The following GRM7 variants were observed in gnomAD, a reference collection of about 807,000 sequenced individuals.
GRM7 encodes the protein metabotropic glutamate receptor 7.
In GRM7, 35 loss-of-function variants were observed where a neutral mutation model predicts 84.5. The observed-to-expected ratio is 0.41, with a 90% confidence interval of 0.32 to 0.55. The LOEUF (loss-of-function observed/expected upper bound fraction) is 0.55. Ranked by LOEUF, GRM7 falls within the 20% of genes least tolerant of loss-of-function variation. The pLI, the probability that GRM7 is intolerant of heterozygous loss-of-function variation, is 0.19. For missense variants in GRM7, 1,003 were observed against 1,194.6 expected, an observed-to-expected ratio of 0.84 and a Z score of 2.36; for synonymous variants, 487 against 455.1, an observed-to-expected ratio of 1.07 and a Z score of -0.89.
rs150780642 is a variant in GRM7, at chr3:6,862,722, T to TC, written c.519+822dup. On this transcript the variant is annotated intron_variant, in intron 1 of 9. Coordinates refer to ENST00000357716, the MANE Select transcript of GRM7 (RefSeq NM_000844.4). The surrounding 1 kb of genome is among the most constrained non-coding windows in gnomAD (Gnocchi z 5.2). ...ATCGCTCTCCCTGCCTCCTCCCTCCTCCCCCCCGCCCCCCTCACCCACTAT... is the reference window on the plus strand; with the variant it reads ...ATCGCTCTCCCTGCCTCCTCCCTCCTCCCCCCCCGCCCCCCTCACCCACTAT... 33,724 of 241,332 alleles carry TC rather than the reference T, an allele frequency of 0.14. 2,547 individuals are homozygous for TC. The highest frequency in any genetic ancestry group is 0.29 in the African/African-American group (10,643 of 36,796). 14.9% of individuals were successfully genotyped at this position (241,332 alleles called of 1,614,324 possible). A position where few individuals can be genotyped will look rare whatever the true frequency, so the allele number is the denominator to read the frequency against.
At chr3:7,208,404 C>T (rs1427841425) in intron 2 of GRM7, among the ~76,000 whole-genome samples, 3 of 152,124 alleles carry the variant, frequency 2.0e-5, no homozygotes, top group Non-Finnish European at 4.4e-5. Context: ...TGCTGTTCTC[C>T]TTGCTGGTGC....
At chr3:7,351,608 A>AT (rs1693151868) in intron 4 of GRM7, among the ~76,000 whole-genome samples, 1 of 152,090 alleles carries the variant, frequency 6.6e-6, no homozygotes, top group Admixed American at 6.6e-5. Context: ...GTATGAGTGG[A>AT]TACCATCCTA....
intron 7 of GRM7, among the ~76,000 whole-genome samples, chr3:7,548,356 G>C (rs73019813): frequency 0.033 from 5,037 of 152,272 alleles, 119 homozygotes; most frequent in Non-Finnish European, 0.045. Flanking sequence ...TGCCCTGAGT[G>C]GAAGCAGCCT....
intron 7 of GRM7, among the ~76,000 whole-genome samples, chr3:7,558,188 A>G (rs552478860): frequency 1.3e-5 from 2 of 152,242 alleles, no homozygotes; most frequent in East Asian, 1.9e-4. Context: ...TTAAATTTAC[A>G]TTTAATGCTT....
chr3:7,572,527 C>T (rs1289027776), intron 7 of GRM7, among the ~76,000 whole-genome samples: 1 of 151,748 alleles, frequency 6.6e-6, no homozygotes, highest in Non-Finnish European at 1.5e-5. Context: ...TAAAAAAATT[C>T]TAATAATGCT....
chr3:7,228,843 T>C (rs1559513807), intron 2 of GRM7, among the ~76,000 whole-genome samples: 1 of 152,238 alleles, frequency 6.6e-6, no homozygotes, highest in Admixed American at 6.5e-5. Context: ...AGATATCTCA[T>C]ATGGGAAAGT....
intron 2 of GRM7, among the ~76,000 whole-genome samples, chr3:7,231,676 CACA>C (rs1479332376): frequency 2.6e-5 from 4 of 152,170 alleles, no homozygotes. Flanking sequence ...AGTTAATTCT[CACA>C]ACATCTCTAT....
At chr3:7,055,736 A>T (rs1436568012) in intron 1 of GRM7, among the ~76,000 whole-genome samples, 1 of 151,740 alleles carries the variant, frequency 6.6e-6, no homozygotes, top group South Asian at 2.1e-4. Context: ...TGCTACGCTG[A>T]TCCGAAACTC....
chr3:6,881,836 C>T (rs1430980753), intron 1 of GRM7, among the ~76,000 whole-genome samples: 1 of 152,082 alleles, frequency 6.6e-6, no homozygotes, highest in Non-Finnish European at 1.5e-5. Flanking sequence ...TATCTCAACA[C>T]TGCTACAATC....
chr3:7,300,378 G>A (rs987933282), intron 3 of GRM7, among the ~76,000 whole-genome samples: 2 of 152,104 alleles, frequency 1.3e-5, no homozygotes, highest in African/African-American at 2.4e-5. Context: ...GTGGTGGCAG[G>A]GCTATTAAAT....
chr3:7,050,335 A>G (rs1407185027), intron 1 of GRM7, among the ~76,000 whole-genome samples: 1 of 151,906 alleles, frequency 6.6e-6, no homozygotes, highest in East Asian at 1.9e-4. Context: ...TGTCAACTTC[A>G]TAAACACCCT....
rs1415127605 is a variant in GRM7 at position 7,374,097 on chromosome 3, C to T, written c.1034-40926C>T. The stretch of plus-strand genomic sequence containing the variant: ...TAGCTTTGTTAGACAAGTCTCTGTG[C>T]CTCAGTTTCCACACAAAACAAAGTC... On this transcript the variant is annotated intron_variant, in intron 4 of 9. Coordinates refer to ENST00000357716, the MANE Select transcript of GRM7 (RefSeq NM_000844.4). 3.3e-5 allele frequency among the ~76,000 whole-genome samples: 5 copies of T among 152,032 alleles called. No homozygotes were observed. The South Asian group carries it at 6.2e-4, about 19-fold the overall frequency.
intron 1 of GRM7, among the ~76,000 whole-genome samples, chr3:7,126,490 G>C (rs1358517627): frequency 6.6e-6 from 1 of 152,134 alleles, no homozygotes; most frequent in East Asian, 1.9e-4. Flanking sequence ...ACTTCCATGG[G>C]AGTATGAACC....
At chr3:7,677,855 AG>A (rs775556139) in intron 8 of GRM7, among the ~76,000 whole-genome samples, 2 of 152,236 alleles carry the variant, frequency 1.3e-5, no homozygotes, top group African/African-American at 2.4e-5. Context: ...GAATCAACCT[AG>A]GTGCATCGAC....
intron 2 of GRM7, among the ~76,000 whole-genome samples, chr3:7,150,834 T>TA (rs942110948): frequency 5.6e-4 from 86 of 152,330 alleles, no homozygotes; most frequent in African/African-American, 1.9e-3. Context: ...GTGGCACTAA[T>TA]AAATTCCAGA....
At chr3:6,933,668 C>G (rs1253089445) in intron 1 of GRM7, among the ~76,000 whole-genome samples, 2 of 151,618 alleles carry the variant, frequency 1.3e-5, no homozygotes, top group Non-Finnish European at 2.9e-5. Context: ...GAATAAAGAT[C>G]AGTTATGTGC....
In GRM7 at chr3:7,473,489, G is replaced by GGAGAGAGAGA. The variant is rs372898836; in HGVS notation, c.1515+11800_1515+11809dup. The stretch of plus-strand genomic sequence containing the variant: ...AGACTCTGTCTCTTAAAAACGAGAG[G>GGAGAGAGAGA]GAGAGAGAGAGAGAGAGAGAGAGAG... On this transcript the variant is annotated intron_variant, in intron 7 of 9. Coordinates refer to ENST00000357716, the MANE Select transcript of GRM7 (RefSeq NM_000844.4). Among the ~76,000 whole-genome samples, 1,130 of 126,454 alleles carry GGAGAGAGAGA rather than the reference G, an allele frequency of 8.9e-3. 16 individuals carry two copies. Among genetic ancestry groups the GGAGAGAGAGA allele is most frequent in the East Asian group, 0.026 (110 of 4,224 alleles). The allele number at this position is 126,454 out of a possible 152,430, so 83.0% of individuals were successfully genotyped here. A position where few individuals can be genotyped will look rare whatever the true frequency, so the allele number is the denominator to read the frequency against.
chr3:7,695,811 A>T (rs11917781), intron 9 of GRM7, among the ~76,000 whole-genome samples: 21,827 of 152,178 alleles, frequency 0.14, 2,481 homozygotes, highest in African/African-American at 0.3. Context: ...GATTGGCATA[A>T]AATAGAATGC....
chr3:6,908,027 G>A (rs116491016), intron 1 of GRM7, among the ~76,000 whole-genome samples: 322 of 152,068 alleles, frequency 2.1e-3, no homozygotes, highest in African/African-American at 7.4e-3. Flanking sequence ...CTGTACATAC[G>A]CTAAACTATG....
Sources: allele counts gnomAD v4.1 joint callset (sites outside exome capture counted in the v4.1 genomes callset), GRCh38; gene constraint gnomAD v4.1.1; non-coding constraint Gnocchi (gnomAD v3.1); transcripts MANE v1.5; gene names NCBI Gene and HGNC (gene_info 2026-07-23, HGNC 2026-07-21).